Variants in ABCC8 observed in about 807,000 individuals in gnomAD.
ABCC8 encodes ATP binding cassette subfamily C member 8.
In ABCC8, 137 loss-of-function variants were observed where a neutral mutation model predicts 188.0. The observed-to-expected ratio is 0.73, with a 90% CI of 0.63 to 0.84. The LOEUF (loss-of-function observed/expected upper bound fraction) is 0.84, where lower values mean the gene tolerates loss of function less well. ABCC8 is among the 40% of genes least tolerant of loss of function. The pLI is 0.00. For synonymous variants in ABCC8, 797 were observed against 846.5 expected, an observed-to-expected ratio of 0.94 and a Z score of 1.01; for missense variants, 1,750 against 2,072.7, an observed-to-expected ratio of 0.84 and a Z score of 3.02.
In ABCC8 at chr11:17,412,698, C is replaced by T; in HGVS notation, c.2524G>A (p.Ala842Thr). ...GQRQRISVARALYQHANVVFL... is the reference protein window; with the variant it reads ...GQRQRISVARTLYQHANVVFL... Reference sequence around the variant, plus strand: ...ACAACGTTGGCGTGCTGGTAGAGGGCTCGGGCCACACTGATTCGCTGGCGT... The same window carrying T: ...ACAACGTTGGCGTGCTGGTAGAGGGTTCGGGCCACACTGATTCGCTGGCGT... Residue 842 changes from alanine to threonine, a missense_variant, in exon 21 of 39, where the codon GCC (alanine) becomes ACC (threonine). By Grantham distance (58) the Ala-to-Thr change is moderately conservative (BLOSUM62 0). Coordinates refer to ENST00000389817, the MANE Select transcript of ABCC8 (RefSeq NM_000352.6). 2 of 1,612,146 alleles carry T rather than the reference C, an allele frequency of 1.2e-6. No individual in the cohort carries two copies. Among genetic ancestry groups the T allele is most frequent in the Non-Finnish European group, 8.5e-7 (1 of 1,179,152 alleles).
Position 17,408,514 on chromosome 11 carries a change from T to A in ABCC8, c.2698A>T (p.Ile900Phe). Residue 900 changes from isoleucine to phenylalanine, a missense_variant, in exon 23 of 39, where the codon ATT becomes TTT. Transcript: ENST00000389817. ...TGGATGGTGCCATCCTTCATGGCAA[T>A]GATCTGGAAAGGCAGCAACAAACGT... ...LQYLPHADWI[I>F]AMKDGTIQRE... 6.2e-7 allele frequency: 1 copy of A among 1,610,682 alleles called. No individual in the cohort carries two copies. The highest frequency in any genetic ancestry group is 8.5e-7 in the Non-Finnish European group (1 of 1,179,364).
intron 19 of ABCC8, among the ~76,000 whole-genome samples, chr11:17,414,058 G>A (rs1352917239): frequency 6.6e-6 from 1 of 152,180 alleles, no homozygotes; most frequent in African/African-American, 2.4e-5. Context: ...CTGTAGAGTG[G>A]GAATAACAAT....
In ABCC8 at chr11:17,407,342, C is replaced by T; in HGVS notation, c.2920+12G>A. 6.2e-7 allele frequency: 1 copy of T among 1,614,196 alleles called. No individual in the cohort carries two copies. Among genetic ancestry groups the T allele is most frequent in the Non-Finnish European group, 8.5e-7 (1 of 1,180,032 alleles). On this transcript the variant is annotated intron_variant, in intron 24 of 38. Transcript: ENST00000389817. ...CAGGCCATAATTTCACTCCCAGTCC[C>T]ATTGCCTGTACCTTCCTCCTCTTCC...
At chr11:17,444,866 C>T (rs547118451) in intron 8 of ABCC8, among the ~76,000 whole-genome samples, 4 of 152,234 alleles carry the variant, frequency 2.6e-5, no homozygotes, top group East Asian at 3.9e-4. Context: ...GATTATAATG[C>T]CCACTCTGAA....
chr11:17,424,164 G>C (rs551702933), intron 16 of ABCC8, among the ~76,000 whole-genome samples: 9 of 152,104 alleles, frequency 5.9e-5, no homozygotes, highest in South Asian at 2.1e-4. Flanking sequence ...AGCCTGTCGG[G>C]GGGTGGGAGG....
chr11:17,444,900 T>A (rs1283054521), intron 8 of ABCC8, among the ~76,000 whole-genome samples: 1 of 152,226 alleles, frequency 6.6e-6, no homozygotes, highest in African/African-American at 2.4e-5. Flanking sequence ...TCTGCAGGAC[T>A]ATTGTGAAGA....
intron 26 of ABCC8, among the ~76,000 whole-genome samples, chr11:17,406,118 G>A (rs1451004069): frequency 6.6e-6 from 1 of 152,232 alleles, no homozygotes; most frequent in East Asian, 1.9e-4. Context: ...GTGTTTTTAA[G>A]CCAAGTTGGC....
In ABCC8 at chr11:17,428,732, C is replaced by T. The variant is rs770857321; in HGVS notation, c.1818-62G>A. Reference sequence around the variant, plus strand: ...CAGGGGCAGAGGGGAGGGGAGAGGGCGCAGCCTGATAGAGAGCTCTGAGCA... The same window carrying T: ...CAGGGGCAGAGGGGAGGGGAGAGGGTGCAGCCTGATAGAGAGCTCTGAGCA... On this transcript the variant is annotated intron_variant, in intron 12 of 38. Transcript: ENST00000389817. The T allele has an allele frequency of 1.2e-4, 194 of 1,599,366 alleles. 1 individual carries two copies. The highest frequency in any genetic ancestry group is 1.5e-4 in the Non-Finnish European group (178 of 1,178,228).
At chr11:17,416,295 C>A (rs1376472833) in intron 17 of ABCC8, among the ~76,000 whole-genome samples, 1 of 152,114 alleles carries the variant, frequency 6.6e-6, no homozygotes, top group Non-Finnish European at 1.5e-5. Flanking sequence ...CCTCATTAAT[C>A]TATATCACTT....
At chr11:17,397,602 G>T in intron 31 of ABCC8, 82 bp downstream of exon 31, 1 of 1,520,552 alleles carries the variant, frequency 6.6e-7, no homozygotes, top group Non-Finnish European at 8.9e-7. Flanking sequence ...AGGCCTGGGA[G>T]TGTCTCATGT....
Position 17,428,994 on chromosome 11 carries a change from A to G in ABCC8, c.1818-324T>C, listed in dbSNP as rs144646762. On this transcript the variant is annotated intron_variant, in intron 12 of 38. Transcript: ENST00000389817. ...TGTTGGATTGGTCAGGGTTAAGGTT[A>G]GTTAGGACTAGGATTGGTAAAGAAT... 155 of 422,764 alleles carry G rather than the reference A, an allele frequency of 3.7e-4. 3 individuals carry two copies. Among genetic ancestry groups the G allele is most frequent in the Admixed American group, 1.3e-3 (33 of 26,068 alleles). 26.2% of individuals were successfully genotyped at this position (422,764 alleles called of 1,614,324 possible).
chr11:17,410,934 T>G (rs747627878), intron 21 of ABCC8, among the ~76,000 whole-genome samples: 1 of 152,196 alleles, frequency 6.6e-6, no homozygotes, highest in Non-Finnish European at 1.5e-5. Context: ...TCAAACCCTG[T>G]GGGCTGGTGT....
In ABCC8 at chr11:17,402,732, GTCATCCA is replaced by G; in HGVS notation, c.3572_3578del (p.Leu1191ProfsTer15). 1 of 1,614,252 alleles carries G rather than the reference GTCATCCA, an allele frequency of 6.2e-7. No homozygotes were observed. Among genetic ancestry groups the G allele is most frequent in the Non-Finnish European group, 8.5e-7 (1 of 1,180,048 alleles). The stretch of plus-strand genomic sequence containing the variant: ...GTGAGAGAAGTGGAAGCTGGGTGGT[GTCATCCA>G]GCTGCTGCAGGTCCCTGTGGCGGGG... On this transcript the variant is annotated frameshift_variant, in exon 29 of 39. Coordinates refer to ENST00000389817, the MANE Select transcript of ABCC8 (RefSeq NM_000352.6). LOFTEE classifies it high-confidence loss of function.
intron 3 of ABCC8, among the ~76,000 whole-genome samples, chr11:17,469,007 T>C (rs892294875): frequency 1.3e-5 from 2 of 152,024 alleles, no homozygotes; most frequent in Admixed American, 6.5e-5. Flanking sequence ...AGCCTTTCTC[T>C]TCTCTCCCCA....
Position 17,412,561 on chromosome 11 carries a change from G to C in ABCC8, c.2556+105C>G. The C allele has an allele frequency of 6.2e-6, 9 of 1,444,866 alleles. 1 individual carries two copies. In the South Asian group the frequency reaches 1.1e-4, roughly 18 times the overall value. The allele number at this position is 1,444,866 out of a possible 1,614,324, so 89.5% of individuals were successfully genotyped here. A position where few individuals can be genotyped will look rare whatever the true frequency, so the allele number is the denominator to read the frequency against. On this transcript the variant is annotated intron_variant, in intron 21 of 38. Coordinates refer to ENST00000389817, the MANE Select transcript of ABCC8 (RefSeq NM_000352.6). ...CTCTGGCAGGAGGGATTTACTCCTG[G>C]AGAGGGAGATTGTTGGATGATGGTG...
chr11:17,454,500 C>G (rs1431722176), intron 6 of ABCC8, among the ~76,000 whole-genome samples: 1 of 152,064 alleles, frequency 6.6e-6, no homozygotes, highest in Non-Finnish European at 1.5e-5. Flanking sequence ...GTCCCATTTG[C>G]CAGTGCACCA....
At chr11:17,433,492 C>A (rs942176763) in intron 10 of ABCC8, among the ~76,000 whole-genome samples, 14 of 152,234 alleles carry the variant, frequency 9.2e-5, no homozygotes, top group African/African-American at 3.4e-4. Flanking sequence ...TCAGTACATA[C>A]AAAGCATTGT....
At chr11:17,473,273 T>G (rs1591924214) in intron 2 of ABCC8, among the ~76,000 whole-genome samples, 2 of 146,618 alleles carry the variant, frequency 1.4e-5, no homozygotes, top group Admixed American at 6.9e-5. Flanking sequence ...GGTGTAGGGG[T>G]GGGGGTGGAG....
rs772840815 is a variant in ABCC8 at position 17,404,491 on chromosome 11, C to T, written c.3557+21G>A. 2.5e-6 allele frequency: 4 copies of T among 1,608,400 alleles called. No individual in the cohort carries two copies. The highest frequency in any genetic ancestry group is 1.7e-5 in the Admixed American group (1 of 59,994). On this transcript the variant is annotated intron_variant, in intron 28 of 38. Transcript: ENST00000389817. The surrounding 1 kb of genome is among the most constrained non-coding windows in gnomAD (Gnocchi z 4.7). ...TGCACATTGCAAAGCACCTCCCACC[C>T]CTCACCCCTGAGGCCATCACCTGGA... is the stretch of plus-strand genomic sequence containing the variant.
Sources: allele counts gnomAD v4.1 joint callset (sites outside exome capture counted in the v4.1 genomes callset), GRCh38; gene constraint gnomAD v4.1.1; non-coding constraint Gnocchi (gnomAD v3.1); transcripts MANE v1.5; gene names NCBI Gene and HGNC (gene_info 2026-07-23, HGNC 2026-07-21).